Variants in MRPS31 observed in about 807,000 individuals in gnomAD.
MRPS31 encodes the protein small ribosomal subunit protein mS31.
Under a neutral mutation model 43.1 loss-of-function variants are expected in MRPS31, and 32 were observed. The observed-to-expected ratio is 0.74, with a 90% confidence interval of 0.56 to 1.00. The LOEUF (loss-of-function observed/expected upper bound fraction) is 1.00, where lower values mean the gene tolerates loss of function less well. MRPS31 is among the 50% of genes least tolerant of loss of function. The pLI is 0.00. For missense variants in MRPS31, 437 were observed against 466.7 expected, an observed-to-expected ratio of 0.94 and a Z score of 0.59; for synonymous variants, 165 against 161.6, an observed-to-expected ratio of 1.02 and a Z score of -0.16.
At position 40,733,012 on chromosome 13, in the gene MRPS31, T is replaced by C. The variant is rs560421000; in HGVS notation, c.959-3411A>G. 8.4e-4 allele frequency among the ~76,000 whole-genome samples: 123 copies of C among 146,300 alleles called. 1 individual carries two copies. Among genetic ancestry groups the C allele is most frequent in the African/African-American group, 3.1e-3 (121 of 39,560 alleles). The stretch of plus-strand genomic sequence containing the variant: ...GCATTTGGTTTTTTTTTTTTTTTTT[T>C]TTTTTTTTTGAGAGGGAGTTTCACT... On this transcript the variant is annotated intron_variant, in intron 6 of 6. Coordinates refer to ENST00000323563, the MANE Select transcript of MRPS31 (RefSeq NM_005830.4).
intron 6 of MRPS31, among the ~76,000 whole-genome samples, chr13:40,747,932 C>A (rs1880284057): frequency 6.6e-6 from 1 of 152,146 alleles, no homozygotes; most frequent in Admixed American, 6.5e-5. Flanking sequence ...AAAAGTAACA[C>A]TTTATGTTAA....
chr13:40,754,129 A>G, intron 4 of MRPS31, 37 bp from the exon 5 acceptor site: 2 of 1,203,420 alleles, frequency 1.7e-6, no homozygotes, highest in Non-Finnish European at 2.4e-6. Flanking sequence ...TTTAATGAAT[A>G]TATTTTAAAC....
At chr13:40,735,913 G>T (rs1264788258) in intron 6 of MRPS31, among the ~76,000 whole-genome samples, 118 of 146,568 alleles carry the variant, frequency 8.1e-4, no homozygotes, top group Admixed American at 2.3e-3. Context: ...CACCAGCAAC[G>T]GAACAAAGCT....
At chr13:40,748,535 A>T (rs937566512) in intron 6 of MRPS31, among the ~76,000 whole-genome samples, 4 of 152,274 alleles carry the variant, frequency 2.6e-5, no homozygotes, top group African/African-American at 9.6e-5. Flanking sequence ...CATAAAAAAT[A>T]AATAGCATAG....
chr13:40,738,525 T>C (rs1441001122), intron 6 of MRPS31, among the ~76,000 whole-genome samples: 4 of 151,722 alleles, frequency 2.6e-5, no homozygotes, highest in Non-Finnish European at 4.4e-5. Flanking sequence ...TGAACATTGA[T>C]GCAAAAATCC....
intron 6 of MRPS31, among the ~76,000 whole-genome samples, chr13:40,734,957 A>C (rs563177946): frequency 5.9e-5 from 9 of 152,208 alleles, no homozygotes; most frequent in Non-Finnish European, 1.3e-4. Flanking sequence ...CAACAGCTCC[A>C]GTCTACAGCT....
chr13:40,769,422 T>TATATA (rs1880947259), intron 1 of MRPS31, among the ~76,000 whole-genome samples: 1 of 89,294 alleles, frequency 1.1e-5, no homozygotes, highest in East Asian at 3.5e-4. Context: ...ATATATATAT[T>TATATA]ATCAAGTTCT....
rs1880295225 is a variant in MRPS31 at position 40,748,275 on chromosome 13, A to G, written c.958+863T>C. On this transcript the variant is annotated intron_variant, in intron 6 of 6. Transcript: ENST00000323563. ...CGGGTTCAAACGATTCTCCTGCCTC[A>G]ACCTCCTGAATAGCTGGGATTACAG... Among the ~76,000 whole-genome samples, 5 of 152,262 alleles carry G rather than the reference A, an allele frequency of 3.3e-5. No individual in the cohort carries two copies. The South Asian group carries it at 1.0e-3, about 32-fold the overall frequency.
chr13:40,736,716 C>G (rs1046374408), intron 6 of MRPS31, among the ~76,000 whole-genome samples: 14 of 148,682 alleles, frequency 9.4e-5, no homozygotes, highest in African/African-American at 3.5e-4. Context: ...AAATACTTTA[C>G]AGACAAGCAA....
At chr13:40,759,138 G>GA (rs754729561) in intron 2 of MRPS31, 32 bp from the exon 3 acceptor site, 1,705 of 1,486,782 alleles carry the variant, frequency 1.1e-3, no homozygotes, top group Middle Eastern at 2.2e-3. Flanking sequence ...AAATGAGAAA[G>GA]AAAAAAAAAG....
intron 1 of MRPS31, among the ~76,000 whole-genome samples, chr13:40,769,631 T>G (rs1484003825): frequency 6.6e-6 from 1 of 151,844 alleles, no homozygotes; most frequent in Non-Finnish European, 1.5e-5. Flanking sequence ...CATTATAATA[T>G]TCAATATATG....
chr13:40,754,404 T>C (rs1426470990), intron 4 of MRPS31, among the ~76,000 whole-genome samples: 4 of 152,234 alleles, frequency 2.6e-5, no homozygotes, highest in Non-Finnish European at 4.4e-5. Context: ...AAAAACTCCA[T>C]GTTGTGAAAA....
At chr13:40,742,019 G>C (rs183250752) in intron 6 of MRPS31, among the ~76,000 whole-genome samples, 2 of 151,968 alleles carry the variant, frequency 1.3e-5, no homozygotes, top group Non-Finnish European at 2.9e-5. Flanking sequence ...AATGTCGAGT[G>C]AGAGGACATA....
At chr13:40,752,509 C>T (rs1003897400) in intron 5 of MRPS31, 2 of 152,126 alleles carry the variant, frequency 1.3e-5, no homozygotes, top group African/African-American at 2.4e-5. Context: ...AACTTCTTTC[C>T]TCTACAGATA....
Position 40,735,347 on chromosome 13 carries a change from C to T in MRPS31, c.959-5746G>A, listed in dbSNP as rs535681059. ...ATCAAACTGCAAGGCGGCAGTGAGG[C>T]TGCGGGAGGGGCGCCCACCATTGCC... On this transcript the variant is annotated intron_variant, in intron 6 of 6. Transcript: ENST00000323563. Among the ~76,000 whole-genome samples, 13 of 152,296 alleles carry T rather than the reference C, an allele frequency of 8.5e-5. 1 individual carries two copies. The East Asian group carries it at 2.3e-3, about 27-fold the overall frequency.
chr13:40,757,157 AT>A (rs1213190173), intron 3 of MRPS31, 144 bp from the exon 4 acceptor site: 7 of 596,728 alleles, frequency 1.2e-5, no homozygotes, highest in Non-Finnish European at 1.9e-5. Flanking sequence ...TAAATAAAAA[AT>A]GTCGCCTATT....
chr13:40,744,857 G>C (rs140752758), intron 6 of MRPS31, among the ~76,000 whole-genome samples: 1 of 151,646 alleles, frequency 6.6e-6, no homozygotes, highest in Admixed American at 6.6e-5. Context: ...GAGGTGATCC[G>C]CCCACCTCGG....
intron 5 of MRPS31, among the ~76,000 whole-genome samples, chr13:40,751,701 T>C (rs1163524424): frequency 1.3e-5 from 2 of 152,210 alleles, no homozygotes; most frequent in African/African-American, 4.8e-5. Flanking sequence ...CAGTGAACAA[T>C]TGCTAAATTT....
At chr13:40,737,645 G>A (rs560034255) in intron 6 of MRPS31, among the ~76,000 whole-genome samples, 1 of 152,220 alleles carries the variant, frequency 6.6e-6, no homozygotes, top group South Asian at 2.1e-4. Context: ...ACTCAAAACT[G>A]CTCAACTACA....
Sources: gnomAD v4.1 joint callset for allele counts (sites outside exome capture counted in the v4.1 genomes callset) on GRCh38, gnomAD v4.1.1 for gene constraint, MANE v1.5 for transcripts, NCBI Gene and HGNC (gene_info 2026-07-23, HGNC 2026-07-21) for gene names.